The following ERBB4 variants were observed in gnomAD, a reference collection of about 807,000 sequenced individuals.
ERBB4 encodes erb-b2 receptor tyrosine kinase 4, also known as receptor tyrosine-protein kinase erbB-4.
Under a neutral mutation model 158.0 loss-of-function variants are expected in ERBB4, and 42 were observed. That is an observed-to-expected ratio of 0.27 (90% confidence interval 0.21 to 0.34). The LOEUF is 0.34. Among genes scored for constraint, ERBB4 ranks in the 10% least tolerant of loss-of-function variants. The pLI is 1.00. For synonymous variants in ERBB4, 583 were observed against 558.7 expected (o/e 1.04, Z -0.61); for missense variants, 1,333 against 1,624.1 (o/e 0.82, Z 3.08).
intron 1 of ERBB4, among the ~76,000 whole-genome samples, chr2:212,513,448 A>G (rs1691639344): frequency 1.3e-5 from 2 of 152,228 alleles, no homozygotes; most frequent in Non-Finnish European, 2.9e-5. Context: ...CAATTTAGCC[A>G]TCAGAACAGC....
At chr2:212,378,753 G>T (rs534137667) in intron 1 of ERBB4, among the ~76,000 whole-genome samples, 3 of 151,604 alleles carry the variant, frequency 2.0e-5, no homozygotes, top group Non-Finnish European at 2.9e-5. Flanking sequence ...CTAACACATG[G>T]TCTACACCAG....
At chr2:211,879,812 G>A in intron 3 of ERBB4, among the ~76,000 whole-genome samples, 1 of 151,850 alleles carries the variant, frequency 6.6e-6, no homozygotes, top group East Asian at 1.9e-4. Context: ...ATACAAAAGG[G>A]GAGCATATGA....
chr2:211,756,135 C>T (rs933924475), intron 4 of ERBB4, among the ~76,000 whole-genome samples: 4 of 151,874 alleles, frequency 2.6e-5, no homozygotes, highest in African/African-American at 7.3e-5. Flanking sequence ...GATAAAAAGA[C>T]GAATGTCACT....
At chr2:212,224,090 T>C (rs1235401418) in intron 1 of ERBB4, among the ~76,000 whole-genome samples, 1 of 151,984 alleles carries the variant, frequency 6.6e-6, no homozygotes, top group Non-Finnish European at 1.5e-5. Context: ...AAACTTTAAA[T>C]GATATAATCA....
intron 8 of ERBB4, among the ~76,000 whole-genome samples, chr2:211,712,635 T>A: frequency 6.6e-6 from 1 of 152,142 alleles, no homozygotes; most frequent in East Asian, 1.9e-4. Context: ...AGTGGTCTAA[T>A]GGAGAATATA....
chr2:211,418,228 T>G (rs2063436898), intron 25 of ERBB4, among the ~76,000 whole-genome samples: 1 of 150,960 alleles, frequency 6.6e-6, no homozygotes, highest in Non-Finnish European at 1.5e-5. Context: ...TAGCCAAACT[T>G]AAAATGGAAG....
At chr2:212,318,098 T>C (rs1374046315) in intron 1 of ERBB4, among the ~76,000 whole-genome samples, 1 of 151,600 alleles carries the variant, frequency 6.6e-6, no homozygotes, top group Non-Finnish European at 1.5e-5. Flanking sequence ...GGTAAATTTA[T>C]TATCCCTAGT....
chr2:212,488,329 C>CTT (rs34645624), intron 1 of ERBB4, among the ~76,000 whole-genome samples: 69,782 of 151,248 alleles, frequency 0.46, 17,152 homozygotes, highest in African/African-American at 0.62. Flanking sequence ...CTCTCTCTCT[C>CTT]TCTCTCTCTC....
intron 4 of ERBB4, among the ~76,000 whole-genome samples, chr2:211,784,682 T>C (rs907360848): frequency 6.6e-5 from 10 of 152,220 alleles, no homozygotes; most frequent in African/African-American, 2.4e-4. Context: ...CACCAGACTA[T>C]TTTCCATAGT....
intron 2 of ERBB4, among the ~76,000 whole-genome samples, chr2:212,092,278 T>G (rs964351063): frequency 2.0e-5 from 3 of 152,202 alleles, no homozygotes; most frequent in African/African-American, 2.4e-5. Context: ...AAAATGAGTC[T>G]CATTTACACA....
At chr2:212,408,818 T>C (rs1389438463) in intron 1 of ERBB4, among the ~76,000 whole-genome samples, 1 of 152,154 alleles carries the variant, frequency 6.6e-6, no homozygotes, top group Non-Finnish European at 1.5e-5. Flanking sequence ...TACTAAACTT[T>C]CCCTAAATTC....
chr2:212,296,627 C>T lies in ERBB4; in HGVS notation c.83-171724G>A, dbSNP rs141370582. On this transcript the variant is annotated intron_variant, in intron 1 of 27. Coordinates refer to ENST00000342788, the MANE Select transcript of ERBB4 (RefSeq NM_005235.3). ...CTTCCCCAGTCCATTATCTGCCTTG[C>T]GCCATAACTCTGCAGGCTGACCCTC... Among the ~76,000 whole-genome samples, 34 of 152,074 alleles carry T rather than the reference C, an allele frequency of 2.2e-4. No homozygotes were observed. In the East Asian group the frequency reaches 3.9e-3, roughly 17 times the overall value.
intron 2 of ERBB4, among the ~76,000 whole-genome samples, chr2:212,095,130 T>C (rs181808838): frequency 5.3e-5 from 8 of 152,292 alleles, no homozygotes; most frequent in Admixed American, 3.9e-4. Flanking sequence ...TTGTAAGAAT[T>C]AGTCTGAGAA....
intron 3 of ERBB4, among the ~76,000 whole-genome samples, chr2:211,876,049 C>G (rs531806344): frequency 1.5e-4 from 23 of 152,266 alleles, no homozygotes; most frequent in African/African-American, 5.5e-4. Context: ...CAACACATGA[C>G]TGTACTTCTG....
chr2:212,529,714 TA>T (rs1692647755), intron 1 of ERBB4, among the ~76,000 whole-genome samples: 1 of 152,174 alleles, frequency 6.6e-6, no homozygotes, highest in South Asian at 2.1e-4. Context: ...CATTGGTACT[TA>T]AAAAGTCAAA....
intron 1 of ERBB4, among the ~76,000 whole-genome samples, chr2:212,211,926 T>C (rs570307401): frequency 6.8e-6 from 1 of 146,650 alleles, no homozygotes; most frequent in Admixed American, 6.7e-5. Context: ...TATTCCATGT[T>C]GTATATGTAC....
intron 19 of ERBB4, among the ~76,000 whole-genome samples, chr2:211,574,619 G>A (rs1363596420): frequency 1.3e-5 from 2 of 152,168 alleles, no homozygotes; most frequent in African/African-American, 2.4e-5. Context: ...CCAACATGGA[G>A]TTTCTCATGA....
chr2:211,716,856 G>A (rs2073934503), intron 7 of ERBB4, among the ~76,000 whole-genome samples: 1 of 151,960 alleles, frequency 6.6e-6, no homozygotes, highest in Non-Finnish European at 1.5e-5. Flanking sequence ...AAATTAGCCT[G>A]TAGTTTGAGA....
At chr2:212,052,878 ATTC>A (rs1236114479) in intron 2 of ERBB4, among the ~76,000 whole-genome samples, 1 of 152,238 alleles carries the variant, frequency 6.6e-6, no homozygotes, top group Non-Finnish European at 1.5e-5. Flanking sequence ...ATGTGAGATT[ATTC>A]TTCTGTTCTC....
Sources: gnomAD v4.1 joint callset for allele counts (sites outside exome capture counted in the v4.1 genomes callset) on GRCh38, gnomAD v4.1.1 for gene constraint, MANE v1.5 for transcripts, NCBI Gene and HGNC (gene_info 2026-07-23, HGNC 2026-07-21) for gene names.